Variants in VWA3A observed in about 807,000 individuals in gnomAD.
The protein encoded by VWA3A is von Willebrand factor A domain containing 3A, also known as von Willebrand factor A domain-containing protein 3A.
In VWA3A, 134 loss-of-function variants were observed where a neutral mutation model predicts 160.4. The observed-to-expected ratio is 0.84, with a 90% CI of 0.73 to 0.96. The LOEUF (loss-of-function observed/expected upper bound fraction) is 0.96. Among genes scored for constraint, VWA3A ranks in the 40% least tolerant of loss-of-function variants. The pLI, the probability that VWA3A is intolerant of heterozygous loss-of-function variation, is 0.00. For synonymous variants in VWA3A, 476 were observed against 543.4 expected (o/e 0.88, Z 1.72); for missense variants, 1,310 against 1,447.9 (o/e 0.90, Z 1.55).
chr16:22,126,228 A>T lies in VWA3A; in HGVS notation c.1583A>T (p.His528Leu). ...ISATNSMYII[H>L]IQHSLRLLLE... ...GCGACCAATTCCATGTACATTATTC[A>T]TATCCAGCACTCCCTGCGGCTGCTG... Residue 528 changes from histidine (H) to leucine (L), a missense_variant, in exon 17 of 34, where the codon CAT (histidine) becomes CTT (leucine). By Grantham distance (99) the His-to-Leu change is moderately conservative (BLOSUM62 -3). Transcript: ENST00000389398. 1.2e-6 allele frequency: 2 copies of T among 1,613,968 alleles called. No homozygotes were observed. Among genetic ancestry groups the T allele is most frequent in the Non-Finnish European group, 1.7e-6 (2 of 1,179,878 alleles).
chr16:22,125,584 C>T (rs376778269), intron 16 of VWA3A, among the ~76,000 whole-genome samples: 14 of 151,980 alleles, frequency 9.2e-5, no homozygotes, highest in Admixed American at 2.6e-4. Context: ...CCACCACGCT[C>T]GGCTAATTTT....
At chr16:22,117,209 C>T in intron 11 of VWA3A, 33 bp downstream of exon 11, 3 of 1,559,808 alleles carry the variant, frequency 1.9e-6, no homozygotes, top group Non-Finnish European at 1.7e-6. Flanking sequence ...GGCCCCTCTT[C>T]TTCTCTCCTT....
intron 21 of VWA3A, 69 bp from the exon 22 acceptor site, chr16:22,138,291 C>CTG (rs35642540): frequency 0.23 from 307,099 of 1,340,114 alleles, 16,892 homozygotes; most frequent in African/African-American, 0.59. Context: ...GTCCCTCCTG[C>CTG]TGTGTGTGTG....
intron 19 of VWA3A, among the ~76,000 whole-genome samples, chr16:22,132,548 T>C (rs2045966588): frequency 6.6e-6 from 1 of 152,068 alleles, no homozygotes; most frequent in Admixed American, 6.6e-5. Context: ...ACCCTGTCTC[T>C]TTAAAATACA....
At chr16:22,116,449 A>G (rs2045649933) in intron 9 of VWA3A, 1 of 464,888 alleles carries the variant, frequency 2.2e-6, no homozygotes, top group Non-Finnish European at 4.0e-6. Context: ...GAGAGAGAGG[A>G]GAAGGAAGGA....
At chr16:22,155,691 C>T in intron 32 of VWA3A, 27 bp downstream of exon 32, 7 of 1,610,384 alleles carry the variant, frequency 4.3e-6, no homozygotes, top group Non-Finnish European at 5.1e-6. Context: ...GCCTCTCCGG[C>T]CTGCCATGTG....
chr16:22,119,123 C>CA, intron 12 of VWA3A, 96 bp downstream of exon 12: 1 of 1,401,058 alleles, frequency 7.1e-7, no homozygotes, highest in South Asian at 1.5e-5. Flanking sequence ...GCACAGCTGC[C>CA]AGTGCCTGTC....
rs1465241247 is a variant in VWA3A, at chr16:22,126,221, A to G, written c.1576A>G (p.Ile526Val). The change falls in exon 17 of 34, where the codon ATT (isoleucine) becomes GTT (valine). Residue 526 changes from isoleucine (I) to valine (V), a missense_variant. Coordinates refer to ENST00000389398, the MANE Select transcript of VWA3A (RefSeq NM_173615.5). ...TATCTCTGCGACCAATTCCATGTAC[A>G]TTATTCATATCCAGCACTCCCTGCG... ...LDISATNSMY[I>V]IHIQHSLRLL... The G allele has an allele frequency of 1.2e-6, 2 of 1,613,838 alleles. No homozygotes were observed. Among genetic ancestry groups the G allele is most frequent in the African/African-American group, 2.7e-5 (2 of 74,926 alleles).
intron 16 of VWA3A, among the ~76,000 whole-genome samples, chr16:22,125,422 T>G (rs2045828789): frequency 6.6e-6 from 1 of 151,502 alleles, no homozygotes; most frequent in African/African-American, 2.4e-5. Context: ...TGTTTTGTTT[T>G]GTTTTGTTTT....
chr16:22,118,879 C>G (rs756119713), intron 11 of VWA3A, 23 bp from the exon 12 acceptor site: 3 of 1,613,442 alleles, frequency 1.9e-6, no homozygotes, highest in South Asian at 1.1e-5. Flanking sequence ...TTCCGGATGT[C>G]TGATTGCTCT....
chr16:22,141,723 A>G (rs2046153902), intron 24 of VWA3A, 31 bp downstream of exon 24: 1 of 1,571,478 alleles, frequency 6.4e-7, no homozygotes, highest in African/African-American at 1.3e-5. Flanking sequence ...GTGTCTGGAC[A>G]GCCCCCTGGC....
chr16:22,101,267 T>C (rs2045404611), intron 5 of VWA3A, among the ~76,000 whole-genome samples: 1 of 152,126 alleles, frequency 6.6e-6, no homozygotes, highest in Admixed American at 6.6e-5. Flanking sequence ...TAAAAAAATA[T>C]AAAATGAAAT....
chr16:22,122,899 G>A (rs2045770094), intron 14 of VWA3A, among the ~76,000 whole-genome samples, 186 bp from the exon 15 acceptor site: 1 of 152,116 alleles, frequency 6.6e-6, no homozygotes, highest in Non-Finnish European at 1.5e-5. Flanking sequence ...ACAAGGCAAT[G>A]ACCTGGTGGT....
In VWA3A at chr16:22,142,717, C is replaced by A. The variant is rs901893126; in HGVS notation, c.2544C>A (p.Ser848Arg). Residue 848 changes from serine to arginine, a missense_variant, in exon 25 of 34, where the codon AGC becomes AGA. Physicochemically the swap from Ser to Arg is moderately radical, Grantham distance 110. Coordinates refer to ENST00000389398, the MANE Select transcript of VWA3A (RefSeq NM_173615.5). ...AAGGAAGGGGCTTGAGAAGGACTAG[C>A]TCTTCTATTGACTTACCCAGAAAGG... ...YPQGRGLRRT[S>R]SSIDLPRKDT... 7 of 1,576,254 alleles carry A rather than the reference C, an allele frequency of 4.4e-6. No homozygotes were observed. The highest frequency in any genetic ancestry group is 1.3e-5 in the African/African-American group (1 of 74,210).
Position 22,126,296 on chromosome 16 carries a change from G to C in VWA3A, c.1651G>C (p.Ala551Pro), listed in dbSNP as rs770519405. The C allele has an allele frequency of 6.2e-7, 1 of 1,610,956 alleles. No homozygotes were observed. The highest frequency in any genetic ancestry group is 8.5e-7 in the Non-Finnish European group (1 of 1,177,798). Residue 551 changes from alanine (A) to proline (P), a missense_variant and splice_region_variant, in exon 17 of 34, where the codon GCG (alanine) becomes CCG (proline). By Grantham distance (27) the Ala-to-Pro change is conservative. Coordinates refer to ENST00000389398, the MANE Select transcript of VWA3A (RefSeq NM_173615.5). ...LSNKDCFNLI[A>P]FGSTIESWRP... Reference sequence around the variant, plus strand: ...CAACAAGGACTGTTTCAACCTCATCGCGTATGTGTCTCCTGGCTCCTGGGG... The same window carrying C: ...CAACAAGGACTGTTTCAACCTCATCCCGTATGTGTCTCCTGGCTCCTGGGG...
intron 1 of VWA3A, 25 bp downstream of exon 1, chr16:22,092,676 G>C: frequency 6.4e-7 from 1 of 1,550,552 alleles, no homozygotes; most frequent in Non-Finnish European, 8.7e-7. Context: ...CACAAGGGTT[G>C]ACAGGGGTGG....
intron 1 of VWA3A, 43 bp downstream of exon 1, chr16:22,092,694 G>A (rs756453731): frequency 2.0e-4 from 310 of 1,549,564 alleles, no homozygotes; most frequent in Non-Finnish European, 2.6e-4. Context: ...TGGTGAGAGG[G>A]TGTCGGGGAG....
chr16:22,140,191 C>A lies in VWA3A; in HGVS notation c.2330C>A (p.Pro777Gln), dbSNP rs764857109. The A allele has an allele frequency of 6.2e-7, 1 of 1,613,646 alleles. No homozygotes were observed. Reference sequence around the variant, plus strand: ...GACCCTGACAGAGAGAAGAGCCCCCCGCTGAAATCTCTGAAATGGCGTCCA... The same window carrying A: ...GACCCTGACAGAGAGAAGAGCCCCCAGCTGAAATCTCTGAAATGGCGTCCA... ...KDDPDREKSP[P>Q]LKSLKWRPLS... Residue 777 changes from proline to glutamine, a missense_variant, in exon 23 of 34, where the codon CCG becomes CAG. Pro to Gln is a moderately conservative substitution (Grantham distance 76, BLOSUM62 -1). Coordinates refer to ENST00000389398, the MANE Select transcript of VWA3A (RefSeq NM_173615.5).
chr16:22,151,228 G>A (rs937443700), intron 30 of VWA3A, among the ~76,000 whole-genome samples: 7 of 151,846 alleles, frequency 4.6e-5, no homozygotes, highest in South Asian at 2.1e-4. Context: ...TGCAGTCAGC[G>A]GAGGTTGCAC....
Sources: allele counts gnomAD v4.1 joint callset (sites outside exome capture counted in the v4.1 genomes callset), GRCh38; gene constraint gnomAD v4.1.1; transcripts MANE v1.5; gene names NCBI Gene and HGNC (gene_info 2026-07-23, HGNC 2026-07-21).